TNKS: variants seen among roughly 807,000 people sequenced by gnomAD.
TNKS encodes the protein poly [ADP-ribose] polymerase tankyrase-1.
A neutral mutation model predicts 135.8 loss-of-function variants in TNKS; 72 were observed. The ratio of observed to expected loss-of-function variants is 0.53; its 90% CI spans 0.44 to 0.64. The LOEUF is 0.64. TNKS is among the 30% of genes least tolerant of loss of function. The probability of loss-of-function intolerance (pLI) is 0.00; values close to 1 mark genes in which losing one functional copy is unlikely to be tolerated. For synonymous variants in TNKS, 849 were observed against 649.3 expected, an observed-to-expected ratio of 1.31 and a Z score of -4.68; for missense variants, 1,769 against 1,674.0, an observed-to-expected ratio of 1.06 and a Z score of -0.99.
At chr8:9,766,061 C>A (rs185576850) in intron 24 of TNKS, among the ~76,000 whole-genome samples, 178 bp from the exon 25 acceptor site, 1 of 152,214 alleles carries the variant, frequency 6.6e-6, no homozygotes, top group East Asian at 1.9e-4. Flanking sequence ...TAGTGAATTA[C>A]TTTTGTTGTA....
At chr8:9,717,659 A>C (rs1320487614) in intron 11 of TNKS, among the ~76,000 whole-genome samples, 1 of 152,158 alleles carries the variant, frequency 6.6e-6, no homozygotes, top group Non-Finnish European at 1.5e-5. Context: ...TGTTTATACA[A>C]GGCATGGTAC....
chr8:9,771,355 G>GGA (rs201187171), intron 26 of TNKS, among the ~76,000 whole-genome samples: 2 of 99,712 alleles, frequency 2.0e-5, no homozygotes, highest in East Asian at 8.3e-4. Flanking sequence ...AAGCAGGGAG[G>GGA]GAGAGAGAGA....
chr8:9,735,127 G>A lies in TNKS; in HGVS notation c.2533+43G>A, dbSNP rs769325782. On this transcript the variant is annotated intron_variant, in intron 16 of 26. Transcript: ENST00000310430. ...CTCCAAGCCTCCTTTTCCTTTCTCGGACACCTAATACAGTTTACTAAAAGA... is the reference window on the plus strand; with the variant it reads ...CTCCAAGCCTCCTTTTCCTTTCTCGAACACCTAATACAGTTTACTAAAAGA... The A allele has an allele frequency of 2.5e-6, 4 of 1,578,670 alleles. No individual in the cohort carries two copies. The African/African-American group carries it at 4.1e-5, about 16-fold the overall frequency.
chr8:9,742,902 T>C (rs960646934), intron 17 of TNKS, among the ~76,000 whole-genome samples: 2 of 151,964 alleles, frequency 1.3e-5, no homozygotes, highest in Non-Finnish European at 2.9e-5. Context: ...TTTAAAAAGC[T>C]ACTTTGTCTC....
intron 2 of TNKS, among the ~76,000 whole-genome samples, chr8:9,585,758 C>T (rs1333400458): frequency 1.3e-5 from 2 of 152,156 alleles, no homozygotes; most frequent in Non-Finnish European, 2.9e-5. Flanking sequence ...TCAAACAATT[C>T]TTGGTTTAAT....
intron 3 of TNKS, among the ~76,000 whole-genome samples, chr8:9,654,837 G>A (rs184683994): frequency 9.8e-5 from 15 of 152,332 alleles, no homozygotes; most frequent in East Asian, 3.9e-4. Flanking sequence ...GAAGACGGGC[G>A]ATTTCTGCAT....
chr8:9,648,494 C>T (rs1373407231), intron 3 of TNKS, among the ~76,000 whole-genome samples: 2 of 152,064 alleles, frequency 1.3e-5, no homozygotes, highest in African/African-American at 2.4e-5. Flanking sequence ...ACTGGCTTTC[C>T]CCTCCCCATG....
At position 9,618,072 on chromosome 8, in the gene TNKS, C is replaced by T. The variant is rs1053266260; in HGVS notation, c.994+2395C>T. On this transcript the variant is annotated intron_variant, in intron 3 of 26. Coordinates refer to ENST00000310430, the MANE Select transcript of TNKS (RefSeq NM_003747.3). The stretch of plus-strand genomic sequence containing the variant: ...AACGATCTCAGCTCACTGCAACCTC[C>T]GTCTCCCGGGTTCAAGCGATTCTTC... 4.0e-5 allele frequency among the ~76,000 whole-genome samples: 6 copies of T among 150,274 alleles called. No individual in the cohort carries two copies. In the East Asian group the frequency reaches 1.2e-3, roughly 29 times the overall value.
chr8:9,611,856 C>A (rs1799475898), intron 2 of TNKS, among the ~76,000 whole-genome samples: 1 of 152,100 alleles, frequency 6.6e-6, no homozygotes, highest in African/African-American at 2.4e-5. Flanking sequence ...TGCTCCTGGT[C>A]TCAACTTTTA....
chr8:9,706,142 A>C, intron 6 of TNKS, 45 bp from the exon 7 acceptor site: 2 of 1,405,128 alleles, frequency 1.4e-6, no homozygotes, highest in Non-Finnish European at 1.9e-6. Context: ...TGGATAAATA[A>C]GTTGTTTGAA....
At chr8:9,662,442 G>C (rs1801764919) in intron 3 of TNKS, among the ~76,000 whole-genome samples, 1 of 152,168 alleles carries the variant, frequency 6.6e-6, no homozygotes, top group Non-Finnish European at 1.5e-5. Context: ...CATGTCCTTT[G>C]TAGGGACATG....
At chr8:9,659,342 A>T (rs1278519660) in intron 3 of TNKS, among the ~76,000 whole-genome samples, 1 of 152,074 alleles carries the variant, frequency 6.6e-6, no homozygotes, top group African/African-American at 2.4e-5. Flanking sequence ...GAAGTAAAAC[A>T]CTCCTCAGCA....
intron 17 of TNKS, chr8:9,741,699 TG>T (rs1283691183): frequency 1.9e-6 from 1 of 527,974 alleles, no homozygotes; most frequent in Non-Finnish European, 3.9e-6. Context: ...TGTCACTCGA[TG>T]ACCACTGTGA....
chr8:9,691,014 C>G (rs748208735), intron 5 of TNKS, among the ~76,000 whole-genome samples: 1 of 152,084 alleles, frequency 6.6e-6, no homozygotes, highest in East Asian at 1.9e-4. Flanking sequence ...AGAGAGAGCT[C>G]GCTTGTTTAG....
intron 20 of TNKS, among the ~76,000 whole-genome samples, chr8:9,755,535 T>C (rs1330006029): frequency 6.6e-6 from 1 of 152,254 alleles, no homozygotes; most frequent in Admixed American, 6.5e-5. Context: ...GCAAATGTTA[T>C]TTATCTAGCC....
At chr8:9,723,387 T>C (rs1347426207) in intron 12 of TNKS, among the ~76,000 whole-genome samples, 1 of 146,334 alleles carries the variant, frequency 6.8e-6, no homozygotes, top group Non-Finnish European at 1.5e-5. Context: ...TGGATAACAT[T>C]TTATAAGATT....
Position 9,771,712 on chromosome 8 carries a change from C to T in TNKS, c.3897+1450C>T, listed in dbSNP as rs564427080. Among the ~76,000 whole-genome samples the T allele has an allele frequency of 7.6e-4, 61 of 80,756 alleles. 1 individual carries two copies. The highest frequency in any genetic ancestry group is 2.7e-3 in the African/African-American group (52 of 19,036). 53.0% of individuals were successfully genotyped at this position (80,756 alleles called of 152,430 possible). A position where few individuals can be genotyped will look rare whatever the true frequency, so the allele number is the denominator to read the frequency against. ...GAGAGAGAGAGAGGAAGGGAGAAAGCGAGAGAGGAAGGAACAGGGAGTGAG... is the reference window on the plus strand; with the variant it reads ...GAGAGAGAGAGAGGAAGGGAGAAAGTGAGAGAGGAAGGAACAGGGAGTGAG... On this transcript the variant is annotated intron_variant, in intron 26 of 26. Transcript: ENST00000310430.
chr8:9,726,310 A>T (rs1362612132), intron 12 of TNKS, among the ~76,000 whole-genome samples: 2 of 152,240 alleles, frequency 1.3e-5, no homozygotes, highest in East Asian at 1.9e-4. Context: ...GGATTGCTTG[A>T]TCCTGGAAGG....
intron 11 of TNKS, among the ~76,000 whole-genome samples, chr8:9,712,698 G>A (rs1026031765): frequency 1.3e-5 from 2 of 151,746 alleles, no homozygotes; most frequent in African/African-American, 4.8e-5. Context: ...GAGATCAGCT[G>A]GGCAACACAG....
Sources: gnomAD v4.1 joint callset for allele counts (sites outside exome capture counted in the v4.1 genomes callset) on GRCh38, gnomAD v4.1.1 for gene constraint, MANE v1.5 for transcripts, NCBI Gene and HGNC (gene_info 2026-07-23, HGNC 2026-07-21) for gene names.